The following GLRA3 variants were observed in gnomAD, a reference collection of about 807,000 sequenced individuals.
GLRA3 encodes glycine receptor alpha 3.
A neutral mutation model predicts 60.4 loss-of-function variants in GLRA3; 44 were observed. The observed-to-expected ratio is 0.73, with a 90% CI of 0.57 to 0.94. GLRA3 has a LOEUF of 0.94. GLRA3 is among the 40% of genes least tolerant of loss of function. The probability of loss-of-function intolerance (pLI) is 0.00; values close to 1 mark genes in which losing one functional copy is unlikely to be tolerated. For synonymous variants in GLRA3, 223 were observed against 192.9 expected (o/e 1.16, Z -1.29); for missense variants, 508 against 564.6 (o/e 0.90, Z 1.02).
At chr4:174,749,461 A>G (rs1243209916) in intron 3 of GLRA3, among the ~76,000 whole-genome samples, 2 of 152,128 alleles carry the variant, frequency 1.3e-5, no homozygotes, top group East Asian at 3.9e-4. Context: ...TGAATCCATT[A>G]AATGATAGGA....
At chr4:174,672,589 A>G (rs1239614574) in intron 7 of GLRA3, among the ~76,000 whole-genome samples, 1 of 152,038 alleles carries the variant, frequency 6.6e-6, no homozygotes, top group Non-Finnish European at 1.5e-5. Flanking sequence ...AGGTCCCTGC[A>G]GCCCCAGAAT....
chr4:174,772,711 G>A (rs1427003171), intron 2 of GLRA3, among the ~76,000 whole-genome samples: 1 of 152,146 alleles, frequency 6.6e-6, no homozygotes, highest in African/African-American at 2.4e-5. Context: ...TTTACTTTAG[G>A]AAAGCTTTGG....
chr4:174,701,692 T>G (rs2111049982), intron 5 of GLRA3, among the ~76,000 whole-genome samples: 1 of 152,320 alleles, frequency 6.6e-6, no homozygotes, highest in Non-Finnish European at 1.5e-5. Flanking sequence ...GGGAGGAAGT[T>G]GTAATATCAA....
At chr4:174,690,744 G>C (rs1340478103) in intron 5 of GLRA3, among the ~76,000 whole-genome samples, 11 of 152,110 alleles carry the variant, frequency 7.2e-5, no homozygotes, top group Admixed American at 7.2e-4. Context: ...CCACTTATAA[G>C]TGAGAACATG....
chr4:174,696,239 G>A (rs999064891), intron 5 of GLRA3, among the ~76,000 whole-genome samples: 3 of 151,544 alleles, frequency 2.0e-5, no homozygotes, highest in African/African-American at 7.3e-5. Context: ...AAGGAGTGAC[G>A]CAAAAAGAAA....
intron 7 of GLRA3, among the ~76,000 whole-genome samples, chr4:174,666,959 T>C (rs1047110506): frequency 5.9e-5 from 9 of 151,888 alleles, no homozygotes; most frequent in Middle Eastern, 3.4e-3. Context: ...ACAATGCAAG[T>C]AGCAAACAAC....
chr4:174,677,049 A>G, intron 7 of GLRA3, 29 bp downstream of exon 7: 3 of 1,309,340 alleles, frequency 2.3e-6, no homozygotes, highest in Non-Finnish European at 3.3e-6. Flanking sequence ...GTGTGTGCAA[A>G]GATGTGCATG....
chr4:174,694,710 G>A (rs1179806289), intron 5 of GLRA3, among the ~76,000 whole-genome samples: 1 of 151,998 alleles, frequency 6.6e-6, no homozygotes, highest in Non-Finnish European at 1.5e-5. Context: ...CCCAAAGCTA[G>A]CAGAAGACAA....
At chr4:174,740,021 G>T (rs1318773761) in intron 3 of GLRA3, among the ~76,000 whole-genome samples, 1 of 152,106 alleles carries the variant, frequency 6.6e-6, no homozygotes, top group African/African-American at 2.4e-5. Context: ...GACTTTGTGT[G>T]GGATAGAAAA....
intron 5 of GLRA3, among the ~76,000 whole-genome samples, chr4:174,704,387 T>A (rs922606027): frequency 7.0e-6 from 1 of 143,430 alleles, no homozygotes; most frequent in Non-Finnish European, 1.5e-5. Flanking sequence ...ATCTAGGGTG[T>A]TCTAAAAAGT....
At chr4:174,741,195 TTA>T (rs1561089186) in intron 3 of GLRA3, among the ~76,000 whole-genome samples, 1 of 152,178 alleles carries the variant, frequency 6.6e-6, no homozygotes, top group Non-Finnish European at 1.5e-5. Context: ...CTTCCGTCAA[TTA>T]TATATGAGAG....
chr4:174,777,218 T>C (rs560950333), intron 2 of GLRA3, among the ~76,000 whole-genome samples: 78 of 152,314 alleles, frequency 5.1e-4, no homozygotes, highest in African/African-American at 1.7e-3. Context: ...TTTGACTTCT[T>C]TATGATATTA....
At chr4:174,802,025 C>T (rs1359731680) in intron 1 of GLRA3, among the ~76,000 whole-genome samples, 1 of 150,714 alleles carries the variant, frequency 6.6e-6, no homozygotes, top group Admixed American at 6.6e-5. Context: ...ATAAATATTT[C>T]AAAAATAAAT....
At chr4:174,692,189 C>CA (rs1561058737) in intron 5 of GLRA3, among the ~76,000 whole-genome samples, 3 of 150,658 alleles carry the variant, frequency 2.0e-5, no homozygotes, top group Non-Finnish European at 4.4e-5. Flanking sequence ...GGAGCGTCTC[C>CA]ACCCAGCAGC....
chr4:174,693,231 C>G (rs1050226786), intron 5 of GLRA3, among the ~76,000 whole-genome samples: 10 of 152,038 alleles, frequency 6.6e-5, no homozygotes, highest in Non-Finnish European at 1.0e-4. Context: ...AAATCTTTGT[C>G]CATTTTTATG....
chr4:174,668,253 T>C (rs989458372), intron 7 of GLRA3, among the ~76,000 whole-genome samples: 2 of 152,164 alleles, frequency 1.3e-5, no homozygotes, highest in Non-Finnish European at 1.5e-5. Flanking sequence ...TAGTTCTTTA[T>C]AGCAATGTGA....
At position 174,781,088 on chromosome 4, in the gene GLRA3, A is replaced by G. The variant is rs937955373; in HGVS notation, c.199+7728T>C. 2.3e-3 allele frequency among the ~76,000 whole-genome samples: 347 copies of G among 152,278 alleles called. 1 individual carries two copies. The highest frequency in any genetic ancestry group is 7.7e-3 in the African/African-American group (319 of 41,536). Reference sequence around the variant, plus strand: ...AGTAAAGCTCTCCTCAGCAAATGTAAAAGAACAGAGATTATAACAAACTAT... The same window carrying G: ...AGTAAAGCTCTCCTCAGCAAATGTAGAAGAACAGAGATTATAACAAACTAT... On this transcript the variant is annotated intron_variant, in intron 2 of 9. Transcript: ENST00000274093.
intron 3 of GLRA3, among the ~76,000 whole-genome samples, chr4:174,749,696 A>G (rs1561094139): frequency 1.3e-5 from 2 of 152,074 alleles, no homozygotes; most frequent in Non-Finnish European, 2.9e-5. Context: ...AAATTCTCAT[A>G]TTAAGGCATG....
intron 5 of GLRA3, among the ~76,000 whole-genome samples, chr4:174,683,399 G>A (rs900024892): frequency 6.6e-6 from 1 of 151,646 alleles, no homozygotes; most frequent in Non-Finnish European, 1.5e-5. Flanking sequence ...CACCCAGGCT[G>A]GAGTGCAGTG....
Sources: gnomAD v4.1 joint callset for allele counts (sites outside exome capture counted in the v4.1 genomes callset) on GRCh38, gnomAD v4.1.1 for gene constraint, MANE v1.5 for transcripts, NCBI Gene and HGNC (gene_info 2026-07-23, HGNC 2026-07-21) for gene names.